Variants in SRP19 observed in about 807,000 individuals in gnomAD.
SRP19 encodes signal recognition particle 19.
A neutral mutation model predicts 22.4 loss-of-function variants in SRP19; 11 were observed. The observed-to-expected ratio is 0.49, with a 90% CI of 0.31 to 0.81. The LOEUF is 0.81. Ranked by LOEUF, SRP19 falls within the 40% of genes least tolerant of loss-of-function variation. SRP19 has a pLI of 0.05. For missense variants in SRP19, 168 were observed against 175.9 expected, an observed-to-expected ratio of 0.96 and a Z score of 0.25; for synonymous variants, 61 against 57.6, an observed-to-expected ratio of 1.06 and a Z score of -0.27.
chr5:112,881,723 A>T (rs941551422), intron 4 of SRP19, among the ~76,000 whole-genome samples: 7 of 152,070 alleles, frequency 4.6e-5, no homozygotes, highest in African/African-American at 1.7e-4. Flanking sequence ...TTAGTTCTTG[A>T]AGATTTTAGC....
At chr5:112,880,757 A>G (rs1768049205) in intron 4 of SRP19, among the ~76,000 whole-genome samples, 1 of 152,206 alleles carries the variant, frequency 6.6e-6, no homozygotes, top group African/African-American at 2.4e-5. Context: ...ATGTGGGTGA[A>G]GTAGACAGAA....
chr5:112,862,350 G>C (rs1184407108), intron 1 of SRP19, 158 bp from the exon 2 acceptor site: 17 of 698,334 alleles, frequency 2.4e-5, no homozygotes, highest in Non-Finnish European at 4.3e-5. Flanking sequence ...GAGGTACTTT[G>C]ATTTTTCAAC....
chr5:112,880,153 A>G (rs1003594685), intron 4 of SRP19, among the ~76,000 whole-genome samples: 14 of 152,046 alleles, frequency 9.2e-5, no homozygotes, highest in African/African-American at 3.1e-4. Context: ...GCTCATGTCT[A>G]TAATCCCAGA....
intron 4 of SRP19, among the ~76,000 whole-genome samples, chr5:112,882,293 T>G (rs746866947): frequency 6.6e-5 from 10 of 152,102 alleles, no homozygotes; most frequent in Non-Finnish European, 1.5e-4. Context: ...ATCTTTGTAG[T>G]GCACTCCCCA....
chr5:112,883,318 T>A (rs1768134481), intron 4 of SRP19, among the ~76,000 whole-genome samples: 1 of 152,206 alleles, frequency 6.6e-6, no homozygotes, highest in South Asian at 2.1e-4. Flanking sequence ...TCAAAATCAC[T>A]AGTACCTTCC....
rs1767705343 is a variant in SRP19, at chr5:112,869,377, C to T, written c.*1840C>T. The T allele has an allele frequency of 6.6e-6, 1 of 152,176 alleles. No individual in the cohort carries two copies. Among genetic ancestry groups the T allele is most frequent in the African/African-American group, 2.4e-5 (1 of 41,438 alleles). The allele number at this position is 152,176 out of a possible 1,614,324, so 9.4% of individuals were successfully genotyped here. On this transcript the variant is annotated 3_prime_UTR_variant, in exon 5 of 5. Transcript: ENST00000505459. ...AGCTGAGACCATAGGCATGAGATTT[C>T]TCAAAATTCCTCCCAGCAGGCTTTC...
At chr5:112,881,874 C>G (rs577640190) in intron 4 of SRP19, 17 of 152,292 alleles carry the variant, frequency 1.1e-4, no homozygotes, top group African/African-American at 4.1e-4. Flanking sequence ...AGGTGATCCT[C>G]CCATCTCAGC....
chr5:112,883,545 C>G (rs573744360), intron 4 of SRP19, among the ~76,000 whole-genome samples: 1 of 152,306 alleles, frequency 6.6e-6, no homozygotes, highest in South Asian at 2.1e-4. Context: ...AAACCTTAGA[C>G]TCCCCAGCGT....
intron 1 of SRP19, chr5:112,862,306 G>A (rs1277645093): frequency 1.6e-6 from 1 of 620,748 alleles, no homozygotes. Flanking sequence ...TAGGCCCGCG[G>A]CCAGTCTGAT....
At chr5:112,897,731 C>T (rs1186885290), downstream of SRP19, 1 of 152,040 alleles carries the variant, frequency 6.6e-6, no homozygotes, top group Non-Finnish European at 1.5e-5. Context: ...AAAATAAAGC[C>T]AACAATATTA....
downstream of SRP19, among the ~76,000 whole-genome samples, chr5:112,870,022 C>G (rs982316105): frequency 3.3e-5 from 5 of 152,120 alleles, no homozygotes; most frequent in African/African-American, 1.2e-4. Flanking sequence ...TAATAATATA[C>G]TATAATAAAA....
intron 4 of SRP19, among the ~76,000 whole-genome samples, chr5:112,865,519 G>A (rs779654266): frequency 1.3e-5 from 2 of 151,624 alleles, no homozygotes; most frequent in Non-Finnish European, 2.9e-5. Flanking sequence ...TTTTCTTTCA[G>A]TTTAATAACC....
chr5:112,890,205 G>A (rs1221024652), intron 4 of SRP19, among the ~76,000 whole-genome samples: 2 of 150,272 alleles, frequency 1.3e-5, no homozygotes, highest in Non-Finnish European at 2.9e-5. Flanking sequence ...TGGGAGGGTG[G>A]CTTGACCTTG....
intron 4 of SRP19, chr5:112,887,103 G>T: frequency 6.2e-7 from 1 of 1,613,744 alleles, no homozygotes; most frequent in South Asian, 1.1e-5. Context: ...GCTTCAGGAA[G>T]AAAGGACGGA....
intron 4 of SRP19, among the ~76,000 whole-genome samples, chr5:112,881,626 G>A (rs1768078029): frequency 6.6e-6 from 1 of 152,066 alleles, no homozygotes; most frequent in Non-Finnish European, 1.5e-5. Flanking sequence ...GTTCTTCATT[G>A]CCACTTTCAG....
In SRP19 at chr5:112,864,621, AAAAAT is replaced by A; in HGVS notation, c.196_200del (p.Lys66ValfsTer3). The stretch of plus-strand genomic sequence containing the variant: ...TTTTCTTTTGTTTCGTTTATGTTAG[AAAAAT>A]AAAATGTACTCTAGAGAATGGAATC... On this transcript the variant is annotated frameshift_variant and splice_region_variant, in exon 4 of 5. Transcript: ENST00000505459. LOFTEE classifies it high-confidence loss of function. 6.2e-7 allele frequency: 1 copy of A among 1,613,846 alleles called. No individual in the cohort carries two copies. The highest frequency in any genetic ancestry group is 8.5e-7 in the Non-Finnish European group (1 of 1,179,810).
Position 112,892,943 on chromosome 5 carries a change from G to A in SRP19, c.*1336G>A, listed in dbSNP as rs781351833. 18 of 1,599,754 alleles carry A rather than the reference G, an allele frequency of 1.1e-5. No individual in the cohort carries two copies. In the South Asian group the frequency reaches 2.0e-4, roughly 18 times the overall value. On this transcript the variant is annotated 3_prime_UTR_variant, in exon 5 of 5. Transcript: ENST00000391338. The stretch of plus-strand genomic sequence containing the variant: ...AGCAGAGGAAGAAATAGGCACCGCA[G>A]CTGGGACCAGGGCCGCCGGAGCCAG...
chr5:112,888,186 T>G (rs1768319596), intron 4 of SRP19, among the ~76,000 whole-genome samples: 1 of 152,246 alleles, frequency 6.6e-6, no homozygotes, highest in South Asian at 2.1e-4. Flanking sequence ...TTAGTCCTTA[T>G]GATTCCAAAC....
intron 4 of SRP19, chr5:112,878,309 A>ATGTT (rs1203844322): frequency 6.4e-6 from 1 of 156,742 alleles, no homozygotes; most frequent in Admixed American, 6.2e-5. Flanking sequence ...AGCATGATGC[A>ATGTT]TGTTGTAGTC....
Sources: allele counts gnomAD v4.1 joint callset (sites outside exome capture counted in the v4.1 genomes callset), GRCh38; gene constraint gnomAD v4.1.1; transcripts MANE v1.5; gene names NCBI Gene and HGNC (gene_info 2026-07-23, HGNC 2026-07-21).